The following GPHN variants were observed in gnomAD, a reference collection of about 807,000 sequenced individuals.
GPHN encodes gephyrin.
GPHN carries 17 observed loss-of-function variants against 95.5 expected under a neutral mutation model. That is an observed-to-expected ratio of 0.18 (90% CI 0.12 to 0.27). The LOEUF is 0.27. Among genes scored for constraint, GPHN ranks in the 10% least tolerant of loss-of-function variants. The pLI, the probability that GPHN is intolerant of heterozygous loss-of-function variation, is 1.00. For synonymous variants in GPHN, 320 were observed against 322.5 expected (o/e 0.99, Z 0.08); for missense variants, 660 against 978.1 (o/e 0.67, Z 4.34).
chr14:66,957,162 G>A (rs536101444), intron 8 of GPHN, among the ~76,000 whole-genome samples: 22 of 132,874 alleles, frequency 1.7e-4, no homozygotes, highest in East Asian at 4.6e-4. Context: ...CCACATACTT[G>A]TAAATTTCTC....
chr14:66,771,770 C>T (rs1292811631), intron 2 of GPHN, among the ~76,000 whole-genome samples: 7 of 139,400 alleles, frequency 5.0e-5, no homozygotes, highest in African/African-American at 1.9e-4. Context: ...GTTCCCCTTC[C>T]TGTGTCCATG....
intron 20 of GPHN, among the ~76,000 whole-genome samples, chr14:67,166,775 T>C (rs2140024978): frequency 6.6e-6 from 1 of 152,306 alleles, no homozygotes; most frequent in East Asian, 1.9e-4. Flanking sequence ...GCTCAAGCCG[T>C]TCTCCCACCT....
At chr14:66,808,904 G>A (rs940303281) in intron 3 of GPHN, among the ~76,000 whole-genome samples, 1 of 152,182 alleles carries the variant, frequency 6.6e-6, no homozygotes, top group African/African-American at 2.4e-5. Context: ...AGAACATGAT[G>A]GGAAGGACTT....
chr14:66,870,061 C>T (rs778058917), intron 4 of GPHN, among the ~76,000 whole-genome samples: 10 of 152,282 alleles, frequency 6.6e-5, no homozygotes, highest in Admixed American at 1.3e-4. Context: ...CATTTTCTGA[C>T]TTCATAGATG....
chr14:67,560,760 C>T, the GPHN span, among the ~76,000 whole-genome samples: 2 of 134,208 alleles, frequency 1.5e-5, no homozygotes, highest in South Asian at 4.6e-4. Context: ...GACGGAGTCT[C>T]GCTCTTGTTT....
At chr14:66,509,876 A>G (rs1391824932) in intron 1 of GPHN, among the ~76,000 whole-genome samples, 2 of 152,140 alleles carry the variant, frequency 1.3e-5, no homozygotes, top group Admixed American at 6.5e-5. Context: ...CTGCCGGCAG[A>G]TATTGAGTGC....
chr14:67,234,711 A>G, the GPHN span, among the ~76,000 whole-genome samples: 1 of 151,974 alleles, frequency 6.6e-6, no homozygotes, highest in African/African-American at 2.4e-5. Context: ...TACCAAGCCT[A>G]GCTAATTTTT....
chr14:67,373,742 A>G, the GPHN span, among the ~76,000 whole-genome samples: 4 of 152,142 alleles, frequency 2.6e-5, no homozygotes, highest in Non-Finnish European at 4.4e-5. Flanking sequence ...ATAATCTACC[A>G]TGCAGGATTG....
the GPHN span, chr14:67,332,833 T>C: frequency 6.2e-7 from 1 of 1,614,076 alleles, no homozygotes; most frequent in Non-Finnish European, 8.5e-7. Context: ...AGCAGAACAA[T>C]GGCCACTACT....
chr14:67,008,717 T>C (rs1179329074), intron 9 of GPHN, among the ~76,000 whole-genome samples: 3 of 151,862 alleles, frequency 2.0e-5, no homozygotes, highest in Admixed American at 6.6e-5. Context: ...GCTAATTTTT[T>C]GTGTTTTTAG....
intron 2 of GPHN, among the ~76,000 whole-genome samples, chr14:66,714,653 G>GC (rs1281203892): frequency 1.3e-5 from 2 of 152,106 alleles, no homozygotes; most frequent in African/African-American, 4.8e-5. Context: ...TGTGTCCCTT[G>GC]TATGCCCATT....
chr14:67,288,150 G>A, the GPHN span, among the ~76,000 whole-genome samples: 7 of 151,944 alleles, frequency 4.6e-5, no homozygotes, highest in East Asian at 3.9e-4. Flanking sequence ...TGCGATCTCC[G>A]CTCACTGCAA....
intron 1 of GPHN, among the ~76,000 whole-genome samples, chr14:66,578,930 G>T (rs1036484916): frequency 6.6e-6 from 1 of 151,832 alleles, no homozygotes; most frequent in African/African-American, 2.4e-5. Context: ...TCAGAATGCT[G>T]TATGTAAAGC....
the GPHN span, chr14:67,302,678 T>G: frequency 1.1e-6 from 1 of 876,188 alleles, no homozygotes; most frequent in Non-Finnish European, 1.6e-6. Flanking sequence ...AGATGATTTC[T>G]AGCCTGATTT....
At chr14:67,412,104 C>G in the GPHN span, 9 of 1,473,560 alleles carry the variant, frequency 6.1e-6, no homozygotes, top group Non-Finnish European at 8.1e-6. Context: ...GCCTTCCCCG[C>G]GCCTCGCGCT....
At chr14:66,683,638 C>T (rs1054197921) in intron 2 of GPHN, among the ~76,000 whole-genome samples, 2 of 144,812 alleles carry the variant, frequency 1.4e-5, no homozygotes, top group African/African-American at 5.2e-5. Flanking sequence ...GTTAATGGTG[C>T]AACATTGAAT....
intron 1 of GPHN, among the ~76,000 whole-genome samples, chr14:66,579,463 C>T (rs2140445810): frequency 6.7e-6 from 1 of 150,266 alleles, no homozygotes; most frequent in Middle Eastern, 3.5e-3. Context: ...TAATAAGAGA[C>T]TCATTTCATC....
At chr14:66,921,454 T>C (rs1450527873) in intron 6 of GPHN, among the ~76,000 whole-genome samples, 1 of 152,022 alleles carries the variant, frequency 6.6e-6, no homozygotes, top group Admixed American at 6.6e-5. Context: ...GTTTTTTTTT[T>C]TTTTTCTTAC....
intron 8 of GPHN, among the ~76,000 whole-genome samples, chr14:66,964,709 C>T (rs188509694): frequency 6.6e-6 from 1 of 152,184 alleles, no homozygotes; most frequent in Non-Finnish European, 1.5e-5. Context: ...CAGATCTTAC[C>T]CTATCCCAAC....
Sources: allele counts gnomAD v4.1 joint callset (sites outside exome capture counted in the v4.1 genomes callset), GRCh38; gene constraint gnomAD v4.1.1; transcripts MANE v1.5; gene names NCBI Gene and HGNC (gene_info 2026-07-23, HGNC 2026-07-21).